Variants in AGO2 observed in about 807,000 individuals in gnomAD.
AGO2 encodes protein argonaute-2.
In AGO2, 5 loss-of-function variants were observed where a neutral mutation model predicts 102.3. The observed-to-expected ratio is 0.05, with a 90% CI of 0.03 to 0.10. The LOEUF is 0.10. Among genes scored for constraint, AGO2 ranks in the 10% least tolerant of loss-of-function variants. The pLI is 1.00. For missense variants in AGO2, 541 were observed against 1,183.7 expected (o/e 0.46, Z 7.97); for synonymous variants, 449 against 473.1 (o/e 0.95, Z 0.66).
At chr8:140,562,190 C>T (rs1026027797) in intron 4 of AGO2, among the ~76,000 whole-genome samples, 2 of 152,234 alleles carry the variant, frequency 1.3e-5, no homozygotes, top group East Asian at 1.9e-4. Flanking sequence ...CAGAGGGCTG[C>T]GCGGAACACG....
Position 140,539,338 on chromosome 8 carries a change from G to A in AGO2, c.2151C>T (p.Cys717=). 1 of 1,612,662 alleles carries A rather than the reference G, an allele frequency of 6.2e-7. No individual in the cohort carries two copies. The highest frequency in any genetic ancestry group is 8.5e-7 in the Non-Finnish European group (1 of 1,179,252). ...VQKRHHTRLF[C]TDKNERVGKS... ...AACTCACCCGCTCGTTCTTGTCAGT[G>A]CAGAAGAGCCGGGTGTGGTGCCTCT... The change falls in exon 16 of 19, where the codon TGC becomes TGT. Residue 717 remains cysteine, a synonymous_variant. Transcript: ENST00000220592. The surrounding 1 kb of genome is among the most constrained non-coding windows in gnomAD (Gnocchi z 4.7).
chr8:140,595,363 A>G (rs2073810286), intron 1 of AGO2, among the ~76,000 whole-genome samples: 1 of 152,158 alleles, frequency 6.6e-6, no homozygotes, highest in Non-Finnish European at 1.5e-5. Flanking sequence ...TTAAGGAAGA[A>G]TTATAAAACA....
Position 140,523,508 on chromosome 8 carries a change from A to G in AGO2, c.*8536T>C, listed in dbSNP as rs894267100. 1 of 152,226 alleles carries G rather than the reference A, an allele frequency of 6.6e-6. No individual in the cohort carries two copies. Among genetic ancestry groups the G allele is most frequent in the African/African-American group, 2.4e-5 (1 of 41,476 alleles). 9.4% of individuals were successfully genotyped at this position (152,226 alleles called of 1,614,324 possible). A position where few individuals can be genotyped will look rare whatever the true frequency, so the allele number is the denominator to read the frequency against. ...AGAGGTAAGAAAAAGCTGGATTTAG[A>G]TACTACATTCTTTTCCTGTATTTAA... On this transcript the variant is annotated 3_prime_UTR_variant, in exon 19 of 19. Transcript: ENST00000220592.
At chr8:140,533,389 CAAAAA>C (rs371478800) in intron 17 of AGO2, among the ~76,000 whole-genome samples, 4 of 96,228 alleles carry the variant, frequency 4.2e-5, no homozygotes, top group Admixed American at 1.1e-4. Flanking sequence ...ACTCCGTCTC[CAAAAA>C]AAAAAAAAAA....
chr8:140,590,450 A>G (rs1300906210), intron 1 of AGO2, among the ~76,000 whole-genome samples: 2 of 152,060 alleles, frequency 1.3e-5, no homozygotes, highest in Non-Finnish European at 2.9e-5. Flanking sequence ...CTGGCCACAG[A>G]ACCCATCCAA....
rs1341657674 is a variant in AGO2 at position 140,589,371 on chromosome 8, G to A, written c.23-4060C>T. Among the ~76,000 whole-genome samples the A allele has an allele frequency of 2.0e-5, 3 of 152,116 alleles. No individual in the cohort carries two copies. The East Asian group carries it at 5.8e-4, about 29-fold the overall frequency. On this transcript the variant is annotated intron_variant, in intron 1 of 18. Transcript: ENST00000220592. This position sits in a 1 kb window ranked among gnomAD's most constrained non-coding sequence, Gnocchi z 4.2. ...TACCGGCGGGTGAACCACAGGCCCGGGTCAGCACCCATAGGCTGCGCAGCT... is the reference window on the plus strand; with the variant it reads ...TACCGGCGGGTGAACCACAGGCCCGAGTCAGCACCCATAGGCTGCGCAGCT...
chr8:140,544,796 C>T (rs1027139406), intron 13 of AGO2, among the ~76,000 whole-genome samples: 1 of 152,222 alleles, frequency 6.6e-6, no homozygotes, highest in Non-Finnish European at 1.5e-5. Context: ...CAACATGTCT[C>T]CAGACATGAC....
In AGO2 at chr8:140,540,147, G is replaced by T. The variant is rs879534595; in HGVS notation, c.2035-693C>A. 2.0e-5 allele frequency among the ~76,000 whole-genome samples: 3 copies of T among 152,146 alleles called. No individual in the cohort carries two copies. Among genetic ancestry groups the T allele is most frequent in the Admixed American group, 6.5e-5 (1 of 15,278 alleles). On this transcript the variant is annotated intron_variant, in intron 15 of 18. Coordinates refer to ENST00000220592, the MANE Select transcript of AGO2 (RefSeq NM_012154.5). The surrounding 1 kb of genome is among the most constrained non-coding windows in gnomAD (Gnocchi z 5.0). The stretch of plus-strand genomic sequence containing the variant: ...ACAAAAAACAAAGCAGCTCAGGCAG[G>T]CTCCAGCCAGAAGTGCTGGCCGGTC...
At chr8:140,556,312 C>T (rs370546935) in intron 8 of AGO2, 26 bp from the exon 9 acceptor site, 50 of 1,612,430 alleles carry the variant, frequency 3.1e-5, no homozygotes, top group Middle Eastern at 1.7e-4. Context: ...AGAGACAGGC[C>T]GTCAGTGCCG....
intron 1 of AGO2, among the ~76,000 whole-genome samples, chr8:140,602,859 T>C (rs757402762): frequency 5.0e-4 from 76 of 152,328 alleles, no homozygotes; most frequent in Non-Finnish European, 1.0e-3. Context: ...CAGGAGTGTT[T>C]GCTTCTTTGA....
intron 3 of AGO2, among the ~76,000 whole-genome samples, chr8:140,563,022 C>T (rs778691490): frequency 6.6e-6 from 1 of 152,128 alleles, no homozygotes; most frequent in African/African-American, 2.4e-5. Flanking sequence ...CCTGCAAGCC[C>T]CACTCCGCTA....
chr8:140,640,657 G>T, the AGO2 span, among the ~76,000 whole-genome samples: 1 of 151,922 alleles, frequency 6.6e-6, no homozygotes. Flanking sequence ...GTAGCTAGGA[G>T]TACTGGCATG....
At position 140,560,517 on chromosome 8, in the gene AGO2, C is replaced by A. The variant is rs748170356; in HGVS notation, c.519-7G>T. On this transcript the variant is annotated splice_region_variant and splice_polypyrimidine_tract_variant and intron_variant, in intron 4 of 18. Coordinates refer to ENST00000220592, the MANE Select transcript of AGO2 (RefSeq NM_012154.5). ...GCGGCCCACGGGGGTGTACCTGGAA[C>A]CAAGAGACCCCACCCCGCCTCCCGT... 3.7e-6 allele frequency: 6 copies of A among 1,606,438 alleles called. No individual in the cohort carries two copies. In the African/African-American group the frequency reaches 5.3e-5, roughly 14 times the overall value.
Position 140,635,596 on chromosome 8 carries a change from C to G in AGO2, c.-90G>C, listed in dbSNP as rs949416256. The G allele has an allele frequency of 2.1e-4, 185 of 893,334 alleles. 1 individual carries two copies. The African/African-American group carries it at 3.2e-3, about 16-fold the overall frequency. 55.3% of individuals were successfully genotyped at this position (893,334 alleles called of 1,614,324 possible). On this transcript the variant is annotated 5_prime_UTR_variant, in exon 1 of 19. Coordinates refer to ENST00000220592, the MANE Select transcript of AGO2 (RefSeq NM_012154.5). ...CGCGAGCCGCGAGGGAGCCGCCGGCCGCACGATCCGCCCCGGCGCGGCCGC... is the reference window on the plus strand; with the variant it reads ...CGCGAGCCGCGAGGGAGCCGCCGGCGGCACGATCCGCCCCGGCGCGGCCGC...
At chr8:140,636,345 A>T (rs2074408883), upstream of AGO2, 1 of 152,268 alleles carries the variant, frequency 6.6e-6, no homozygotes, top group Non-Finnish European at 1.5e-5. Context: ...TCCAGCAGTC[A>T]GGGGCCTGCT....
rs11327457 is a variant in AGO2 at position 140,536,326 on chromosome 8, A to AT, written c.2170-758dup. Among the ~76,000 whole-genome samples the AT allele has an allele frequency of 4.2e-3, 583 of 139,120 alleles. 9 individuals carry two copies. The East Asian group carries it at 0.045, about 11-fold the overall frequency. 91.3% of individuals were successfully genotyped at this position (139,120 alleles called of 152,430 possible). A position where few individuals can be genotyped will look rare whatever the true frequency, so the allele number is the denominator to read the frequency against. On this transcript the variant is annotated intron_variant, in intron 16 of 18. Transcript: ENST00000220592. ...TCTCCAGTGTGTTCCCTTCTTTGCA[A>AT]TTTTTTTTTTTTTTTTTTGAGATGG...
At chr8:140,627,238 G>A (rs919477199) in intron 1 of AGO2, among the ~76,000 whole-genome samples, 8 of 152,196 alleles carry the variant, frequency 5.3e-5, no homozygotes, top group Admixed American at 2.0e-4. Flanking sequence ...AAGCACCCTC[G>A]AGTCCTCCAA....
At position 140,583,394 on chromosome 8, in the gene AGO2, C is replaced by T. The variant is rs555457415; in HGVS notation, c.215+1725G>A. On this transcript the variant is annotated intron_variant, in intron 2 of 18. Coordinates refer to ENST00000220592, the MANE Select transcript of AGO2 (RefSeq NM_012154.5). ...TAGATATATGTACAGTCATGCGTGG[C>T]TTAACCATGGGGATATGGCCTGAGA... 3.3e-5 allele frequency among the ~76,000 whole-genome samples: 5 copies of T among 152,292 alleles called. No individual in the cohort carries two copies. The South Asian group carries it at 1.0e-3, about 32-fold the overall frequency.
At position 140,536,756 on chromosome 8, in the gene AGO2, C is replaced by T. The variant is rs141277504; in HGVS notation, c.2170-1187G>A. Among the ~76,000 whole-genome samples the T allele has an allele frequency of 5.7e-3, 864 of 152,144 alleles. 6 individuals are homozygous for T. Among genetic ancestry groups the T allele is most frequent in the Middle Eastern group, 0.014 (4 of 294 alleles). ...GGTGTCACCAGGAGCAAGCTGACTTCCGAGCCCTCCTGCCTCCTGGCAACA... is the reference window on the plus strand; with the variant it reads ...GGTGTCACCAGGAGCAAGCTGACTTTCGAGCCCTCCTGCCTCCTGGCAACA... On this transcript the variant is annotated intron_variant, in intron 16 of 18. Coordinates refer to ENST00000220592, the MANE Select transcript of AGO2 (RefSeq NM_012154.5).
Sources: allele counts gnomAD v4.1 joint callset (sites outside exome capture counted in the v4.1 genomes callset), GRCh38; gene constraint gnomAD v4.1.1; non-coding constraint Gnocchi (gnomAD v3.1); transcripts MANE v1.5; gene names NCBI Gene and HGNC (gene_info 2026-07-23, HGNC 2026-07-21).